The following MTMR7 variants were observed in gnomAD, a reference collection of about 807,000 sequenced individuals.
The protein encoded by MTMR7 is myotubularin related protein 7.
Under a neutral mutation model 81.2 loss-of-function variants are expected in MTMR7, and 76 were observed. That is an observed-to-expected ratio of 0.94 (90% confidence interval 0.78 to 1.13). MTMR7 has a LOEUF of 1.13. Among genes scored for constraint, MTMR7 ranks in the 50% most tolerant of loss-of-function variants. The pLI is 0.00. For missense variants in MTMR7, 1,044 were observed against 820.0 expected, an observed-to-expected ratio of 1.27 and a Z score of -3.34; for synonymous variants, 372 against 289.8, an observed-to-expected ratio of 1.28 and a Z score of -2.88.
chr8:17,391,748 T>C (rs550448558), intron 1 of MTMR7, among the ~76,000 whole-genome samples: 2 of 152,338 alleles, frequency 1.3e-5, no homozygotes, highest in South Asian at 4.1e-4. Context: ...ATAAATTTAT[T>C]TCTCCGGGAA....
chr8:17,310,226 CTG>C (rs1817706294), intron 9 of MTMR7, among the ~76,000 whole-genome samples: 1 of 152,000 alleles, frequency 6.6e-6, no homozygotes, highest in African/African-American at 2.4e-5. Context: ...GTCTCAAACT[CTG>C]GGGCTCCAGC....
At chr8:17,320,953 CA>C (rs1289148706) in intron 7 of MTMR7, among the ~76,000 whole-genome samples, 1 of 152,148 alleles carries the variant, frequency 6.6e-6, no homozygotes, top group Admixed American at 6.5e-5. Context: ...TCTCAGGATG[CA>C]ATTGATTCCT....
chr8:17,332,758 T>C (rs995478850), intron 6 of MTMR7, among the ~76,000 whole-genome samples: 4 of 152,126 alleles, frequency 2.6e-5, no homozygotes, highest in Non-Finnish European at 5.9e-5. Flanking sequence ...CCATGACAAG[T>C]GAAAAGAGTA....
At chr8:17,399,519 T>A (rs1354939653) in intron 1 of MTMR7, among the ~76,000 whole-genome samples, 1 of 152,146 alleles carries the variant, frequency 6.6e-6, no homozygotes, top group Non-Finnish European at 1.5e-5. Context: ...GTTCAAGGAT[T>A]GGAAGAATAA....
At position 17,341,373 on chromosome 8, in the gene MTMR7, G is replaced by C; in HGVS notation, c.722C>G (p.Thr241Ser). 1 of 1,614,150 alleles carries C rather than the reference G, an allele frequency of 6.2e-7. No homozygotes were observed. Among genetic ancestry groups the C allele is most frequent in the Non-Finnish European group, 8.5e-7 (1 of 1,179,982 alleles). The part of the protein sequence containing the change: ...PGSDFVYVVD[T>S]RPKLNAMANR... Reference sequence around the variant, plus strand: ...AACGGTGACACTTACTTTAGGCCGGGTGTCAACGACATAAACGAAGTCACT... The same window carrying C: ...AACGGTGACACTTACTTTAGGCCGGCTGTCAACGACATAAACGAAGTCACT... Residue 241 changes from threonine to serine, a missense_variant, in exon 6 of 14, where the codon ACC (threonine) becomes AGC (serine). Thr to Ser is a moderately conservative substitution (Grantham distance 58). Coordinates refer to ENST00000180173, the MANE Select transcript of MTMR7 (RefSeq NM_004686.5).
intron 3 of MTMR7, among the ~76,000 whole-genome samples, chr8:17,365,044 C>A (rs1189774302): frequency 1.3e-5 from 2 of 152,190 alleles, no homozygotes; most frequent in Admixed American, 6.5e-5. Context: ...AGTGCATAAG[C>A]ATTCTCTTTC....
chr8:17,328,959 T>C (rs1818846639), intron 7 of MTMR7, among the ~76,000 whole-genome samples: 1 of 152,232 alleles, frequency 6.6e-6, no homozygotes, highest in Non-Finnish European at 1.5e-5. Context: ...ACACAGGATG[T>C]GAACTTGGTC....
intron 5 of MTMR7, 22 bp from the exon 6 acceptor site, chr8:17,341,519 A>G (rs1487032292): frequency 1.2e-6 from 2 of 1,611,952 alleles, no homozygotes; most frequent in African/African-American, 1.3e-5. Flanking sequence ...GGTCACAGCA[A>G]CACAGCACCA....
At chr8:17,412,166 C>A (rs1821753500) in intron 1 of MTMR7, among the ~76,000 whole-genome samples, 1 of 152,214 alleles carries the variant, frequency 6.6e-6, no homozygotes, top group Non-Finnish European at 1.5e-5. Context: ...AAGATTTCTT[C>A]TTCCAATGAC....
intron 3 of MTMR7, among the ~76,000 whole-genome samples, chr8:17,365,223 A>G (rs899224677): frequency 1.3e-5 from 2 of 152,132 alleles, no homozygotes; most frequent in African/African-American, 4.8e-5. Context: ...CTTTTGAGTA[A>G]TGTCTCTTGA....
At chr8:17,399,567 C>T (rs374056189) in intron 1 of MTMR7, among the ~76,000 whole-genome samples, 1 of 152,058 alleles carries the variant, frequency 6.6e-6, no homozygotes, top group Non-Finnish European at 1.5e-5. Flanking sequence ...AAGTAATCTA[C>T]AAATTCAATA....
At chr8:17,302,497 T>C in intron 12 of MTMR7, 1 of 477,524 alleles carries the variant, frequency 2.1e-6, no homozygotes. Context: ...TTATGAAAAG[T>C]CTGCCTGTAT....
At chr8:17,412,407 A>G (rs1821759724) in intron 1 of MTMR7, among the ~76,000 whole-genome samples, 1 of 152,212 alleles carries the variant, frequency 6.6e-6, no homozygotes, top group South Asian at 2.1e-4. Context: ...TGGTAGTAAC[A>G]ACAGACAGCC....
At chr8:17,373,328 C>T (rs1167155627) in intron 1 of MTMR7, 88 bp from the exon 2 acceptor site, 3 of 1,429,356 alleles carry the variant, frequency 2.1e-6, no homozygotes, top group Middle Eastern at 1.9e-4. Flanking sequence ...CTCACACTTA[C>T]TCCAAAATAC....
intron 1 of MTMR7, among the ~76,000 whole-genome samples, chr8:17,387,444 T>TG (rs1173534225): frequency 2.0e-5 from 3 of 152,218 alleles, no homozygotes; most frequent in Non-Finnish European, 4.4e-5. Context: ...CCAGTAATCT[T>TG]GATACAACTT....
At chr8:17,305,691 C>T in intron 11 of MTMR7, 66 bp downstream of exon 11, 1 of 1,406,286 alleles carries the variant, frequency 7.1e-7, no homozygotes, top group Non-Finnish European at 9.8e-7. Flanking sequence ...TGAAAGGCCA[C>T]CTAAAATTCT....
chr8:17,390,201 G>A (rs1821065763), intron 1 of MTMR7, among the ~76,000 whole-genome samples: 1 of 152,132 alleles, frequency 6.6e-6, no homozygotes, highest in Non-Finnish European at 1.5e-5. Context: ...GGCTGTACAG[G>A]AAGCAGAGCG....
chr8:17,371,081 T>A lies in MTMR7; in HGVS notation c.266A>T (p.Asp89Val), dbSNP rs1214022445. The A allele has an allele frequency of 1.9e-6, 3 of 1,614,154 alleles. No homozygotes were observed. Among genetic ancestry groups the A allele is most frequent in the African/African-American group, 2.7e-5 (2 of 75,054 alleles). The change falls in exon 3 of 14, where the codon GAT becomes GTT. Residue 89 changes from aspartate to valine, a missense_variant. Asp to Val is a radical substitution (Grantham distance 152). Transcript: ENST00000180173. ...IIQLIIPQER[D>V]CHDVYISLIR... ...CAGGGAGATGTACACGTCGTGGCAA[T>A]CTCTTTCCTGAGGTATGATGAGCTG...
At chr8:17,329,506 T>C (rs1352680659) in intron 7 of MTMR7, among the ~76,000 whole-genome samples, 1 of 152,292 alleles carries the variant, frequency 6.6e-6, no homozygotes, top group East Asian at 1.9e-4. Context: ...GGAGAAATGG[T>C]TCCTGACGAG....
Sources: allele counts gnomAD v4.1 joint callset (sites outside exome capture counted in the v4.1 genomes callset), GRCh38; gene constraint gnomAD v4.1.1; transcripts MANE v1.5; gene names NCBI Gene and HGNC (gene_info 2026-07-23, HGNC 2026-07-21).